The following LRRIQ1 variants were observed in gnomAD, a reference collection of about 807,000 sequenced individuals.
The protein encoded by LRRIQ1 is leucine-rich repeat- and IQ domain-containing protein 1.
LRRIQ1 carries 210 observed loss-of-function variants against 211.9 expected under a neutral mutation model. The observed-to-expected ratio is 0.99, with a 90% confidence interval of 0.89 to 1.11. The LOEUF (loss-of-function observed/expected upper bound fraction) is 1.11. Among genes scored for constraint, LRRIQ1 ranks in the 50% most tolerant of loss-of-function variants. LRRIQ1 has a pLI of 0.00. For missense variants in LRRIQ1, 2,136 were observed against 1,939.5 expected (o/e 1.10, Z -1.90); for synonymous variants, 699 against 650.1 (o/e 1.08, Z -1.14).
intron 3 of LRRIQ1, among the ~76,000 whole-genome samples, chr12:85,041,324 C>G (rs1878855964): frequency 6.6e-6 from 1 of 151,682 alleles, no homozygotes; most frequent in South Asian, 2.1e-4. Context: ...GGCAAAGATT[C>G]TGTTTCTCTG....
At chr12:85,112,422 A>G (rs1018181648) in intron 15 of LRRIQ1, among the ~76,000 whole-genome samples, 12 of 151,028 alleles carry the variant, frequency 7.9e-5, no homozygotes, top group Non-Finnish European at 1.6e-4. Flanking sequence ...AAATATTTCT[A>G]ACTTGGAATA....
chr12:85,067,241 T>C lies in LRRIQ1; in HGVS notation c.2695+343T>C, dbSNP rs143282644. The stretch of plus-strand genomic sequence containing the variant: ...TGCTTCCCAAATGCCTCAGCAATTG[T>C]TGTAACTATTTGCTGGTAAACCTTT... On this transcript the variant is annotated intron_variant, in intron 10 of 26. Transcript: ENST00000393217. Among the ~76,000 whole-genome samples, 147 of 151,994 alleles carry C rather than the reference T, an allele frequency of 9.7e-4. 1 individual carries two copies. Among genetic ancestry groups the C allele is most frequent in the Non-Finnish European group, 1.7e-3 (116 of 67,898 alleles).
At position 85,253,152 on chromosome 12, in the gene LRRIQ1, G is replaced by A. The variant is rs1287991304; in HGVS notation, c.121+8243G>A. Reference sequence around the variant, plus strand: ...CTGTGTAATGAATTGCAGCATTAATGTTTAAAGTTGGAGAACCTGCGTCTG... The same window carrying A: ...CTGTGTAATGAATTGCAGCATTAATATTTAAAGTTGGAGAACCTGCGTCTG... On this transcript the variant is annotated intron_variant, in intron 1 of 1. Coordinates refer to the LRRIQ1 transcript ENST00000602731. Among the ~76,000 whole-genome samples the A allele has an allele frequency of 2.0e-5, 3 of 152,148 alleles. No homozygotes were observed. The East Asian group carries it at 5.8e-4, about 29-fold the overall frequency.
chr12:85,234,773 A>G (rs993219519), intron 26 of LRRIQ1, among the ~76,000 whole-genome samples: 41 of 152,228 alleles, frequency 2.7e-4, no homozygotes, highest in African/African-American at 9.9e-4. Flanking sequence ...ACCCACAATT[A>G]AAGGACAGAA....
intron 24 of LRRIQ1, among the ~76,000 whole-genome samples, chr12:85,192,999 A>ATTTAT: frequency 3.5e-5 from 1 of 28,572 alleles, no homozygotes; most frequent in Non-Finnish European, 5.5e-5. Flanking sequence ...ATAATATAAT[A>ATTTAT]TATAAATATA....
chr12:85,062,707 A>G (rs1023811889), intron 8 of LRRIQ1, among the ~76,000 whole-genome samples: 4 of 151,032 alleles, frequency 2.6e-5, no homozygotes, highest in Admixed American at 6.6e-5. Flanking sequence ...TTTTCTTTTG[A>G]TATATATCCA....
At chr12:85,049,772 T>A (rs1209669631) in intron 6 of LRRIQ1, among the ~76,000 whole-genome samples, 1 of 152,198 alleles carries the variant, frequency 6.6e-6, no homozygotes, top group African/African-American at 2.4e-5. Context: ...ATGAAACTGT[T>A]CTTGAGGAAG....
At chr12:85,084,560 G>T (rs577158661) in intron 11 of LRRIQ1, among the ~76,000 whole-genome samples, 1 of 152,146 alleles carries the variant, frequency 6.6e-6, no homozygotes. Flanking sequence ...AATGTTTAAA[G>T]TTTTAGTACT....
At chr12:85,167,675 T>A (rs1449506552) in intron 24 of LRRIQ1, among the ~76,000 whole-genome samples, 3 of 152,120 alleles carry the variant, frequency 2.0e-5, no homozygotes, top group East Asian at 3.9e-4. Context: ...CCTTTCCCTG[T>A]TTACTGACTC....
At chr12:85,227,075 CAAATGGT>C (rs1894696477) in intron 24 of LRRIQ1, among the ~76,000 whole-genome samples, 3 of 149,854 alleles carry the variant, frequency 2.0e-5, no homozygotes, top group African/African-American at 7.5e-5. Context: ...AATGGTATTT[CAAATGGT>C]ATTTCTAGTT....
At position 85,156,710 on chromosome 12, in the gene LRRIQ1, A is replaced by T. The variant is rs970738380; in HGVS notation, c.4720+2616A>T. ...ACTAGCAGTTTTTAAATATACTTGG[A>T]GATACATATCTTACATAGACAACTT... is the stretch of plus-strand genomic sequence containing the variant. On this transcript the variant is annotated intron_variant, in intron 23 of 26. Transcript: ENST00000393217. 2.0e-5 allele frequency among the ~76,000 whole-genome samples: 3 copies of T among 151,814 alleles called. No individual in the cohort carries two copies. The Admixed American group carries it at 2.0e-4, about 10-fold the overall frequency.
chr12:85,079,927 T>A (rs1884091735), intron 11 of LRRIQ1, among the ~76,000 whole-genome samples: 3 of 152,134 alleles, frequency 2.0e-5, no homozygotes, highest in Admixed American at 2.0e-4. Flanking sequence ...TAGTATAAAC[T>A]TTCCATTGCT....
At chr12:85,144,741 C>T (rs943890023) in intron 19 of LRRIQ1, among the ~76,000 whole-genome samples, 3 of 151,610 alleles carry the variant, frequency 2.0e-5, no homozygotes, top group South Asian at 2.1e-4. Context: ...GATTTTATTT[C>T]AAGTGTGATA....
At chr12:85,065,240 C>T (rs752620511) in intron 8 of LRRIQ1, 22 bp from the exon 9 acceptor site, 1 of 1,592,822 alleles carries the variant, frequency 6.3e-7, no homozygotes, top group Non-Finnish European at 8.6e-7. Flanking sequence ...ACTACACACT[C>T]CAATTTTCTT....
At chr12:85,120,744 A>ATT (rs145558246) in intron 15 of LRRIQ1, among the ~76,000 whole-genome samples, 5,433 of 152,196 alleles carry the variant, frequency 0.036, 322 homozygotes, top group African/African-American at 0.12. Flanking sequence ...CATAGGAACT[A>ATT]TTAGTTTTTA....
intron 24 of LRRIQ1, among the ~76,000 whole-genome samples, chr12:85,220,154 G>A (rs1363660557): frequency 6.6e-6 from 1 of 151,996 alleles, no homozygotes; most frequent in African/African-American, 2.4e-5. Context: ...ATGAAGAAGT[G>A]TTTTTCTGAG....
chr12:85,173,329 C>T (rs141857128), intron 24 of LRRIQ1, among the ~76,000 whole-genome samples: 1,797 of 152,238 alleles, frequency 0.012, 20 homozygotes, highest in Non-Finnish European at 0.018. Context: ...TGCTAAGGCC[C>T]TAGGCCATTC....
In LRRIQ1 at chr12:85,121,679, T is replaced by C. The variant is rs778756734; in HGVS notation, c.3378-18T>C. ...TTATCAAGATCAGGATTATTAACTT[T>C]TTTGTTGTTTTCAATAGGGATTCTC... On this transcript the variant is annotated intron_variant, in intron 15 of 26. Coordinates refer to ENST00000393217, the MANE Select transcript of LRRIQ1 (RefSeq NM_001079910.2). 2 of 1,537,208 alleles carry C rather than the reference T, an allele frequency of 1.3e-6. No individual in the cohort carries two copies. Among genetic ancestry groups the C allele is most frequent in the Admixed American group, 4.3e-5 (2 of 46,996 alleles).
In LRRIQ1 at chr12:85,098,530, G is replaced by A; in HGVS notation, c.3063G>A (p.Gln1021=). The part of the protein sequence containing the change: ...NCGLLQILKL[Q]GNYLSELPSL... Reference sequence around the variant, plus strand: ...GATTGCTCCAAATATTGAAGTTACAGGGAAATTATCTGAGTGAGGTAATTG... The same window carrying A: ...GATTGCTCCAAATATTGAAGTTACAAGGAAATTATCTGAGTGAGGTAATTG... The change falls in exon 12 of 27, where the codon CAG becomes CAA. Residue 1021 remains glutamine, a synonymous_variant. Coordinates refer to ENST00000393217, the MANE Select transcript of LRRIQ1 (RefSeq NM_001079910.2). 3 of 1,607,868 alleles carry A rather than the reference G, an allele frequency of 1.9e-6. No individual in the cohort carries two copies. The highest frequency in any genetic ancestry group is 2.5e-6 in the Non-Finnish European group (3 of 1,177,458).
Sources: allele counts gnomAD v4.1 joint callset (sites outside exome capture counted in the v4.1 genomes callset), GRCh38; gene constraint gnomAD v4.1.1; transcripts MANE v1.5; gene names NCBI Gene and HGNC (gene_info 2026-07-23, HGNC 2026-07-21).